ADGRE1: variants seen among roughly 807,000 people sequenced by gnomAD.
ADGRE1 encodes adhesion G protein-coupled receptor E1, also known as EGF-like module receptor 1.
In ADGRE1, 82 loss-of-function variants were observed where a neutral mutation model predicts 102.7. The ratio of observed to expected loss-of-function variants is 0.80; its 90% confidence interval spans 0.67 to 0.96. The LOEUF (loss-of-function observed/expected upper bound fraction) is 0.96. Ranked by LOEUF, ADGRE1 falls within the 40% of genes least tolerant of loss-of-function variation. The pLI, the probability that ADGRE1 is intolerant of heterozygous loss-of-function variation, is 0.00. For synonymous variants in ADGRE1, 398 were observed against 399.6 expected (o/e 1.00, Z 0.05); for missense variants, 1,032 against 1,085.3 (o/e 0.95, Z 0.69).
intron 11 of ADGRE1, among the ~76,000 whole-genome samples, chr19:6,914,421 G>C (rs1319007696): frequency 6.6e-6 from 1 of 152,166 alleles, no homozygotes; most frequent in Non-Finnish European, 1.5e-5. Context: ...CTAAGACTTA[G>C]GGTTGTTTGT....
chr19:6,936,261 C>A (rs949822648), intron 18 of ADGRE1, among the ~76,000 whole-genome samples: 1 of 151,832 alleles, frequency 6.6e-6, no homozygotes, highest in African/African-American at 2.4e-5. Context: ...ATGGTGAAAC[C>A]CTGTCTTTAC....
chr19:6,906,310 T>C (rs447684), intron 8 of ADGRE1, 123 bp from the exon 9 acceptor site: 200,890 of 734,678 alleles, frequency 0.27, 29,474 homozygotes, highest in East Asian at 0.49. Context: ...ATTTTCCCCC[T>C]TGTGTATTAG....
intron 11 of ADGRE1, among the ~76,000 whole-genome samples, chr19:6,914,826 C>T (rs895271765): frequency 3.3e-5 from 5 of 152,012 alleles, no homozygotes; most frequent in Non-Finnish European, 5.9e-5. Flanking sequence ...GAGTAAGTCT[C>T]ATTGGGGCAG....
At chr19:6,898,514 G>C in intron 5 of ADGRE1, 1 of 1,556,900 alleles carries the variant, frequency 6.4e-7, no homozygotes, top group Non-Finnish European at 8.9e-7. Flanking sequence ...TCTATCAGTG[G>C]GGTGAGTTCA....
chr19:6,906,401 G>C, intron 8 of ADGRE1, 32 bp from the exon 9 acceptor site: 1 of 1,578,598 alleles, frequency 6.3e-7, no homozygotes, highest in Non-Finnish European at 8.7e-7. Flanking sequence ...TGAGGTTGAA[G>C]TTTGGTTTGG....
At chr19:6,912,350 G>C (rs779517258) in intron 10 of ADGRE1, among the ~76,000 whole-genome samples, 1 of 152,158 alleles carries the variant, frequency 6.6e-6, no homozygotes, top group South Asian at 2.1e-4. Context: ...GGTTCAAATC[G>C]TGGTTCTTCC....
chr19:6,926,845 CTTGA>C (rs1288364150), intron 16 of ADGRE1, among the ~76,000 whole-genome samples: 4 of 150,584 alleles, frequency 2.7e-5, no homozygotes, highest in Non-Finnish European at 5.9e-5. Context: ...GTTTACCTAA[CTTGA>C]TTATTTTCCT....
At chr19:6,937,795 CTG>C in intron 20 of ADGRE1, 147 bp downstream of exon 20, 2 of 619,278 alleles carry the variant, frequency 3.2e-6, no homozygotes, top group South Asian at 3.8e-5. Context: ...GAGTTGAAGA[CTG>C]GGGATTTATA....
intron 20 of ADGRE1, among the ~76,000 whole-genome samples, chr19:6,939,647 C>T (rs1229626927): frequency 6.6e-6 from 1 of 152,110 alleles, no homozygotes; most frequent in African/African-American, 2.4e-5. Context: ...ATGGACAGGA[C>T]CAGAAAGCCC....
intron 16 of ADGRE1, among the ~76,000 whole-genome samples, chr19:6,927,260 C>G (rs1568360983): frequency 2.2e-5 from 3 of 135,032 alleles, no homozygotes; most frequent in Non-Finnish European, 3.2e-5. Context: ...CTCCCTCCCT[C>G]CCTTCCTTCC....
chr19:6,893,397 C>T (rs1973444295), intron 2 of ADGRE1, among the ~76,000 whole-genome samples: 1 of 152,028 alleles, frequency 6.6e-6, no homozygotes. Flanking sequence ...ACGGGGGCTT[C>T]TTCATGTTGG....
Position 6,921,715 on chromosome 19 carries a change from A to C in ADGRE1, c.1623A>C (p.Pro541=). 1 of 1,584,138 alleles carries C rather than the reference A, an allele frequency of 6.3e-7. No homozygotes were observed. Among genetic ancestry groups the C allele is most frequent in the Non-Finnish European group, 8.6e-7 (1 of 1,169,116 alleles). Residue 541 remains proline (P), a splice_region_variant and synonymous_variant, in exon 14 of 21, where the codon CCA becomes CCC. Transcript: ENST00000312053. ...TTTTGTTTTTTTGTTTTTTTTAGCC[A>C]AAGCAGAAGTTTGAGAGGCCCATCT... ...PIIYTLENIQ[P]KQKFERPICV... is the part of the protein sequence containing the mutation.
At chr19:6,934,764 A>ATT (rs371829373) in intron 17 of ADGRE1, among the ~76,000 whole-genome samples, 6 of 136,768 alleles carry the variant, frequency 4.4e-5, no homozygotes, top group African/African-American at 5.4e-5. Flanking sequence ...TGCATGGCTA[A>ATT]TTTTTTTTTT....
At chr19:6,934,954 C>G (rs1975333785) in intron 17 of ADGRE1, 33 bp from the exon 18 acceptor site, 1 of 1,475,834 alleles carries the variant, frequency 6.8e-7, no homozygotes, top group Non-Finnish European at 9.2e-7. Flanking sequence ...ATTTGTATAT[C>G]CAGTCTCTCC....
In ADGRE1 at chr19:6,927,305, C is replaced by CTCCCTTCCT. The variant is rs1568361049; in HGVS notation, c.2222+705_2222+713dup. On this transcript the variant is annotated intron_variant, in intron 16 of 20. Transcript: ENST00000312053. Reference sequence around the variant, plus strand: ...TTCCCTTCCCTCCCTCCCTCTCTTCCTCCCTTCCTCCCTCCCTTCTTTCCT... The same window carrying CTCCCTTCCT: ...TTCCCTTCCCTCCCTCCCTCTCTTCCTCCCTTCCTTCCCTTCCTCCCTCCCTTCTTTCCT... Among the ~76,000 whole-genome samples the CTCCCTTCCT allele has an allele frequency of 5.8e-5, 8 of 138,988 alleles. 2 individuals carry two copies. The highest frequency in any genetic ancestry group is 2.2e-4 in the East Asian group (1 of 4,606). 91.2% of individuals were successfully genotyped at this position (138,988 alleles called of 152,430 possible). A position where few individuals can be genotyped will look rare whatever the true frequency, so the allele number is the denominator to read the frequency against.
chr19:6,903,498 C>T (rs1333543825), intron 6 of ADGRE1, among the ~76,000 whole-genome samples: 1 of 152,284 alleles, frequency 6.6e-6, no homozygotes, highest in African/African-American at 2.4e-5. Context: ...AATCTCTCTC[C>T]ATCTTTTGGT....
At chr19:6,924,596 C>T (rs1479324496) in intron 14 of ADGRE1, 82 bp from the exon 15 acceptor site, 6 of 1,342,166 alleles carry the variant, frequency 4.5e-6, no homozygotes, top group African/African-American at 1.4e-5. Context: ...TTGCCCGAGC[C>T]AGGGTTTTAG....
Position 6,898,414 on chromosome 19 carries a change from A to G in ADGRE1, c.514+867A>G, listed in dbSNP as rs945995583. The G allele has an allele frequency of 1.9e-6, 3 of 1,600,762 alleles. No homozygotes were observed. The African/African-American group carries it at 4.0e-5, about 21-fold the overall frequency. On this transcript the variant is annotated intron_variant, in intron 5 of 20. Coordinates refer to ENST00000312053, the MANE Select transcript of ADGRE1 (RefSeq NM_001974.5). Reference sequence around the variant, plus strand: ...CTGTTTAGATGGTTTCTCTTCTCCCACTGGAAATGACTGGATCCCAGGAAA... The same window carrying G: ...CTGTTTAGATGGTTTCTCTTCTCCCGCTGGAAATGACTGGATCCCAGGAAA...
At chr19:6,922,417 C>T (rs996155379) in intron 14 of ADGRE1, among the ~76,000 whole-genome samples, 5 of 151,756 alleles carry the variant, frequency 3.3e-5, no homozygotes, top group African/African-American at 1.2e-4. Flanking sequence ...AGATCGAGAC[C>T]ATCCTGGCCA....
Sources: gnomAD v4.1 joint callset for allele counts (sites outside exome capture counted in the v4.1 genomes callset) on GRCh38, gnomAD v4.1.1 for gene constraint, MANE v1.5 for transcripts, NCBI Gene and HGNC (gene_info 2026-07-23, HGNC 2026-07-21) for gene names.